Variants in RGS7 observed in about 807,000 individuals in gnomAD.
The protein encoded by RGS7 is regulator of G-protein signaling 7.
In RGS7, 27 loss-of-function variants were observed where a neutral mutation model predicts 81.1. That is an observed-to-expected ratio of 0.33 (90% CI 0.25 to 0.46). The LOEUF is 0.46. Ranked by LOEUF, RGS7 falls within the 20% of genes least tolerant of loss-of-function variation. The probability of loss-of-function intolerance (pLI) is 1.00; values close to 1 mark genes in which losing one functional copy is unlikely to be tolerated. For missense variants in RGS7, 396 were observed against 607.4 expected (o/e 0.65, Z 3.66); for synonymous variants, 208 against 207.7 (o/e 1.00, Z -0.01).
At chr1:240,929,576 T>C (rs1047282033) in intron 6 of RGS7, among the ~76,000 whole-genome samples, 1 of 152,186 alleles carries the variant, frequency 6.6e-6, no homozygotes, top group Non-Finnish European at 1.5e-5. Context: ...ATGACACACA[T>C]GAGAGATAGC....
chr1:240,928,213 C>T (rs568167479), intron 6 of RGS7, among the ~76,000 whole-genome samples: 2 of 152,296 alleles, frequency 1.3e-5, no homozygotes, highest in East Asian at 1.9e-4. Flanking sequence ...AGTGCGAAGG[C>T]CTACCTTTCT....
chr1:241,315,099 T>G (rs1317127507), intron 2 of RGS7, among the ~76,000 whole-genome samples: 1 of 128,362 alleles, frequency 7.8e-6, no homozygotes, highest in Non-Finnish European at 1.6e-5. Flanking sequence ...TTTTTTTTTC[T>G]TCTTCTTCTT....
At chr1:241,127,843 G>C (rs993747697) in intron 2 of RGS7, among the ~76,000 whole-genome samples, 7 of 152,020 alleles carry the variant, frequency 4.6e-5, no homozygotes, top group African/African-American at 7.3e-5. Flanking sequence ...CTCTTCAAAT[G>C]ATTTAGTATA....
At chr1:241,211,115 T>A (rs1247749707) in intron 2 of RGS7, among the ~76,000 whole-genome samples, 1 of 152,036 alleles carries the variant, frequency 6.6e-6, no homozygotes, top group African/African-American at 2.4e-5. Flanking sequence ...TAAAACCCCA[T>A]CTCTACTAAA....
chr1:241,018,133 A>ATTTTTTT (rs34587479), intron 3 of RGS7, among the ~76,000 whole-genome samples: 11 of 114,434 alleles, frequency 9.6e-5, no homozygotes, highest in African/African-American at 1.8e-4. Context: ...TGCCCAGCTA[A>ATTTTTTT]TTTTTTTTTT....
At chr1:240,946,211 TC>T (rs1678578901) in intron 4 of RGS7, among the ~76,000 whole-genome samples, 1 of 152,104 alleles carries the variant, frequency 6.6e-6, no homozygotes, top group Non-Finnish European at 1.5e-5. Context: ...TATTAACAAC[TC>T]CCCTCAAAAA....
At chr1:240,945,007 G>A (rs1005099937) in intron 4 of RGS7, among the ~76,000 whole-genome samples, 1 of 152,242 alleles carries the variant, frequency 6.6e-6, no homozygotes, top group African/African-American at 2.4e-5. Flanking sequence ...CACGCATCCA[G>A]CCAAGTCACT....
At chr1:241,268,561 T>C (rs2077711575) in intron 2 of RGS7, among the ~76,000 whole-genome samples, 1 of 152,228 alleles carries the variant, frequency 6.6e-6, no homozygotes, top group Non-Finnish European at 1.5e-5. Context: ...TACAAAGTTC[T>C]AAACTCTTCT....
chr1:240,824,310 C>T (rs1692369777), intron 10 of RGS7, among the ~76,000 whole-genome samples: 1 of 152,212 alleles, frequency 6.6e-6, no homozygotes, highest in Admixed American at 6.5e-5. Flanking sequence ...ATAGCTCACT[C>T]CCAAAGAAAT....
chr1:241,223,775 T>C (rs2075150140), intron 2 of RGS7, among the ~76,000 whole-genome samples: 1 of 152,002 alleles, frequency 6.6e-6, no homozygotes, highest in Admixed American at 6.6e-5. Flanking sequence ...TTAGAGCTTT[T>C]CTGAAAACTA....
At chr1:240,889,266 T>C (rs1667887124) in intron 6 of RGS7, among the ~76,000 whole-genome samples, 1 of 152,166 alleles carries the variant, frequency 6.6e-6, no homozygotes, top group South Asian at 2.1e-4. Flanking sequence ...GAGAGGTAAC[T>C]TTTGAATTGA....
chr1:240,881,498 A>G (rs1191448627), intron 6 of RGS7, among the ~76,000 whole-genome samples: 1 of 152,226 alleles, frequency 6.6e-6, no homozygotes, highest in Non-Finnish European at 1.5e-5. Context: ...TTAAAGTATA[A>G]TAATAAAAAA....
At chr1:241,323,636 C>G (rs1389728338) in intron 2 of RGS7, among the ~76,000 whole-genome samples, 1 of 152,174 alleles carries the variant, frequency 6.6e-6, no homozygotes, top group Admixed American at 6.5e-5. Flanking sequence ...AGGGGGAAAG[C>G]TAATCAGTAG....
chr1:241,044,038 A>C (rs2060774204), intron 3 of RGS7, among the ~76,000 whole-genome samples: 1 of 151,946 alleles, frequency 6.6e-6, no homozygotes, highest in Non-Finnish European at 1.5e-5. Context: ...TGTGATACAC[A>C]TGCTTAGAAC....
chr1:241,208,385 C>T (rs2686216), intron 2 of RGS7, among the ~76,000 whole-genome samples: 54 of 152,022 alleles, frequency 3.6e-4, no homozygotes, highest in African/African-American at 1.3e-3. Context: ...AACCACACCA[C>T]GACACTGCTG....
chr1:241,177,008 C>CAA (rs1040928023), intron 2 of RGS7, among the ~76,000 whole-genome samples: 2 of 152,166 alleles, frequency 1.3e-5, no homozygotes, highest in Non-Finnish European at 2.9e-5. Context: ...ACTGTTTATG[C>CAA]AAGAAGCATT....
At chr1:241,306,394 TACAC>T (rs1573597314) in intron 2 of RGS7, among the ~76,000 whole-genome samples, 4 of 136,592 alleles carry the variant, frequency 2.9e-5, no homozygotes, top group African/African-American at 8.4e-5. Context: ...CTTACACCCT[TACAC>T]ACACCCTCAC....
Position 241,036,006 on chromosome 1 carries a change from T to C in RGS7, c.176-52877A>G, listed in dbSNP as rs550082741. 1.5e-4 allele frequency among the ~76,000 whole-genome samples: 23 copies of C among 152,318 alleles called. No homozygotes were observed. In the East Asian group the frequency reaches 4.4e-3, roughly 29 times the overall value. On this transcript the variant is annotated intron_variant, in intron 3 of 18. Transcript: ENST00000440928. Reference sequence around the variant, plus strand: ...TTATTTCCCTTCTTTAAGGACAGATTATGCCTGATTCCACTTCAAGCCTCT... The same window carrying C: ...TTATTTCCCTTCTTTAAGGACAGATCATGCCTGATTCCACTTCAAGCCTCT...
At chr1:241,205,566 T>G (rs1419435465) in intron 2 of RGS7, among the ~76,000 whole-genome samples, 1 of 151,940 alleles carries the variant, frequency 6.6e-6, no homozygotes, top group South Asian at 2.1e-4. Context: ...GTTCAAGTGA[T>G]TCTCCTACCT....
Sources: allele counts gnomAD v4.1 joint callset (sites outside exome capture counted in the v4.1 genomes callset), GRCh38; gene constraint gnomAD v4.1.1; transcripts MANE v1.5; gene names NCBI Gene and HGNC (gene_info 2026-07-23, HGNC 2026-07-21).